Variants in INTS6 observed in about 807,000 individuals in gnomAD.
INTS6 encodes integrator complex subunit 6.
INTS6 carries 16 observed loss-of-function variants against 104.9 expected under a neutral mutation model. That is an observed-to-expected ratio of 0.15 (90% confidence interval 0.10 to 0.23). INTS6 has a LOEUF of 0.23. Among genes scored for constraint, INTS6 ranks in the 10% least tolerant of loss-of-function variants. INTS6 has a pLI of 1.00. For synonymous variants in INTS6, 324 were observed against 358.7 expected (o/e 0.90, Z 1.09); for missense variants, 584 against 1,062.8 (o/e 0.55, Z 6.26).
intron 3 of INTS6, among the ~76,000 whole-genome samples, chr13:51,432,467 A>C (rs1957109759): frequency 6.6e-6 from 1 of 152,124 alleles, no homozygotes; most frequent in African/African-American, 2.4e-5. Flanking sequence ...AAAAAAAAAA[A>C]ACACCATCTT....
At chr13:51,436,410 G>A (rs1262505118) in intron 3 of INTS6, 2 of 152,018 alleles carry the variant, frequency 1.3e-5, no homozygotes, top group African/African-American at 2.4e-5. Flanking sequence ...AAGTAACTCC[G>A]TTACACGACT....
At chr13:51,432,487 G>C (rs550364804) in intron 3 of INTS6, among the ~76,000 whole-genome samples, 44 of 150,898 alleles carry the variant, frequency 2.9e-4, no homozygotes, top group Middle Eastern at 3.4e-3. Context: ...TGTATTGCTT[G>C]CTATTTTTTC....
At chr13:51,442,141 A>AC (rs1555291783) in intron 3 of INTS6, 1 of 133,618 alleles carries the variant, frequency 7.5e-6, no homozygotes, top group African/African-American at 2.9e-5. Context: ...TTTGACCATG[A>AC]TTTTTTTTTT....
Position 51,363,930 on chromosome 13 carries a change from A to G in INTS6, c.*1822T>C, listed in dbSNP as rs1292355516. Reference sequence around the variant, plus strand: ...AACTTTCTGATAAGGAAAGCTGCTCAATATTGGGATGGGCTGAATCTCTTT... The same window carrying G: ...AACTTTCTGATAAGGAAAGCTGCTCGATATTGGGATGGGCTGAATCTCTTT... On this transcript the variant is annotated 3_prime_UTR_variant, in exon 18 of 18. Transcript: ENST00000311234. 5.0e-6 allele frequency: 1 copy of G among 199,182 alleles called. No individual in the cohort carries two copies. Among genetic ancestry groups the G allele is most frequent in the Non-Finnish European group, 1.0e-5 (1 of 100,138 alleles). The allele number at this position is 199,182 out of a possible 1,614,324, so 12.3% of individuals were successfully genotyped here.
intron 10 of INTS6, among the ~76,000 whole-genome samples, chr13:51,379,845 G>A (rs1383320172): frequency 6.6e-6 from 1 of 152,028 alleles, no homozygotes; most frequent in Non-Finnish European, 1.5e-5. Flanking sequence ...GAGAAACTAG[G>A]TTTGGAATAA....
intron 4 of INTS6, among the ~76,000 whole-genome samples, chr13:51,397,956 A>C (rs1593705861): frequency 6.6e-6 from 1 of 152,054 alleles, no homozygotes; most frequent in East Asian, 1.9e-4. Context: ...TAAAAAAAAA[A>C]CCCCAGCAAG....
chr13:51,385,225 T>TA (rs1288647066), intron 7 of INTS6: 6 of 153,424 alleles, frequency 3.9e-5, no homozygotes, highest in African/African-American at 1.4e-4. Context: ...TCCCACTCTG[T>TA]ACTCCAAAAA....
chr13:51,336,308 C>A, the INTS6 span, among the ~76,000 whole-genome samples: 11 of 151,910 alleles, frequency 7.2e-5, no homozygotes, highest in Admixed American at 2.0e-4. Context: ...GCCAACATGG[C>A]GAAACCCCAT....
At chr13:51,346,906 A>C in the INTS6 span, 4 of 686,110 alleles carry the variant, frequency 5.8e-6, no homozygotes, top group Non-Finnish European at 1.0e-5. Context: ...AGACCACCTT[A>C]AGCAAAAAGA....
intron 4 of INTS6, among the ~76,000 whole-genome samples, chr13:51,428,896 C>T (rs1243582841): frequency 6.6e-6 from 1 of 152,146 alleles, no homozygotes; most frequent in African/African-American, 2.4e-5. Context: ...ACAATTTTAG[C>T]TCTTTTCCCC....
At chr13:51,440,334 G>A (rs1952771894) in intron 3 of INTS6, 1 of 151,750 alleles carries the variant, frequency 6.6e-6, no homozygotes, top group Non-Finnish European at 1.5e-5. Flanking sequence ...ATTTTATACA[G>A]CTATGTTTGT....
At chr13:51,450,833 T>C in intron 3 of INTS6, 192 bp downstream of exon 3, 1 of 1,207,854 alleles carries the variant, frequency 8.3e-7, no homozygotes, top group Non-Finnish European at 1.0e-6. Flanking sequence ...CAATGCATTT[T>C]AGAGGGGGAA....
At chr13:51,398,419 T>A (rs1010828347) in intron 4 of INTS6, among the ~76,000 whole-genome samples, 2 of 152,052 alleles carry the variant, frequency 1.3e-5, no homozygotes, top group African/African-American at 4.8e-5. Context: ...TAAGGATACC[T>A]AAAAGGAAAT....
intron 13 of INTS6, among the ~76,000 whole-genome samples, chr13:51,375,556 T>A (rs183305693): frequency 6.6e-6 from 1 of 152,092 alleles, no homozygotes; most frequent in East Asian, 1.9e-4. Flanking sequence ...TGGCAAACGT[T>A]TAAAGTCTCA....
chr13:51,367,014 C>G (rs904420571), intron 17 of INTS6, among the ~76,000 whole-genome samples: 1 of 152,010 alleles, frequency 6.6e-6, no homozygotes, highest in Non-Finnish European at 1.5e-5. Flanking sequence ...CTTCTTTACA[C>G]AGTGATCCCT....
rs1255420611 is a variant in INTS6, at chr13:51,452,269, C to G, written c.111+146G>C. ...GCCGAACCCGGCTCGCAGCGCCCGC[C>G]CGCCCGCGCGGTGGGGGAGGGGGTC... On this transcript the variant is annotated intron_variant, in intron 1 of 17. Transcript: ENST00000311234. This position sits in a 1 kb window ranked among gnomAD's most constrained non-coding sequence, Gnocchi z 4.2. The G allele has an allele frequency of 1.4e-5, 12 of 872,762 alleles. No homozygotes were observed. The highest frequency in any genetic ancestry group is 1.8e-5 in the Non-Finnish European group (12 of 685,488). 54.1% of individuals were successfully genotyped at this position (872,762 alleles called of 1,614,324 possible). A position where few individuals can be genotyped will look rare whatever the true frequency, so the allele number is the denominator to read the frequency against.
rs1284211848 is a variant in INTS6, at chr13:51,362,402, T to C, written c.*3350A>G. 1 of 160,898 alleles carries C rather than the reference T, an allele frequency of 6.2e-6. No individual in the cohort carries two copies. The highest frequency in any genetic ancestry group is 1.3e-5 in the Non-Finnish European group (1 of 74,432). The allele number at this position is 160,898 out of a possible 1,614,324, so 10.0% of individuals were successfully genotyped here. A position where few individuals can be genotyped will look rare whatever the true frequency, so the allele number is the denominator to read the frequency against. On this transcript the variant is annotated 3_prime_UTR_variant, in exon 18 of 18. Coordinates refer to ENST00000311234, the MANE Select transcript of INTS6 (RefSeq NM_012141.3). Reference sequence around the variant, plus strand: ...CCTAGTACTTTTAAGTCCTACTACATAACCTTATGGTAATCCAAAGATGGT... The same window carrying C: ...CCTAGTACTTTTAAGTCCTACTACACAACCTTATGGTAATCCAAAGATGGT...
intron 17 of INTS6, among the ~76,000 whole-genome samples, chr13:51,366,806 G>T (rs749156801): frequency 9.5e-4 from 144 of 152,002 alleles, no homozygotes; most frequent in Non-Finnish European, 1.9e-3. Flanking sequence ...AAATCTTCAT[G>T]TGTAGCATAG....
chr13:51,343,669 C>T, the INTS6 span, among the ~76,000 whole-genome samples: 1 of 152,206 alleles, frequency 6.6e-6, no homozygotes, highest in African/African-American at 2.4e-5. Flanking sequence ...GGAGTTCTTA[C>T]TTTTCCTCTG....
Sources: allele counts gnomAD v4.1 joint callset (sites outside exome capture counted in the v4.1 genomes callset), GRCh38; gene constraint gnomAD v4.1.1; non-coding constraint Gnocchi (gnomAD v3.1); transcripts MANE v1.5; gene names NCBI Gene and HGNC (gene_info 2026-07-23, HGNC 2026-07-21).